Variants in BCAS3 observed in about 807,000 individuals in gnomAD.
The protein encoded by BCAS3 is BCAS4/BCAS3 fusion.
Under a neutral mutation model 116.1 loss-of-function variants are expected in BCAS3, and 53 were observed. The observed-to-expected ratio is 0.46, with a 90% CI of 0.37 to 0.57. BCAS3 has a LOEUF of 0.57. BCAS3 is among the 20% of genes least tolerant of loss of function. BCAS3 has a pLI of 0.00. For synonymous variants in BCAS3, 391 were observed against 408.2 expected, an observed-to-expected ratio of 0.96 and a Z score of 0.51; for missense variants, 917 against 1,165.4, an observed-to-expected ratio of 0.79 and a Z score of 3.10.
chr17:60,968,871 A>C (rs1440100180), intron 14 of BCAS3, among the ~76,000 whole-genome samples: 1 of 152,080 alleles, frequency 6.6e-6, no homozygotes, highest in Non-Finnish European at 1.5e-5. Context: ...TGTTTCTCCC[A>C]TCAGGCAGCC....
chr17:60,708,233 G>A (rs1272696343), intron 4 of BCAS3, among the ~76,000 whole-genome samples: 2 of 151,492 alleles, frequency 1.3e-5, no homozygotes, highest in Non-Finnish European at 2.9e-5. Flanking sequence ...GCTGAGGTGG[G>A]AGGATCACCT....
intron 6 of BCAS3, among the ~76,000 whole-genome samples, chr17:60,807,261 T>C (rs1345921048): frequency 6.6e-6 from 1 of 152,218 alleles, no homozygotes; most frequent in East Asian, 1.9e-4. Context: ...TTCATATATG[T>C]TGCTATTTAA....
chr17:60,936,766 G>A (rs1447274441), intron 13 of BCAS3, among the ~76,000 whole-genome samples: 1 of 152,108 alleles, frequency 6.6e-6, no homozygotes, highest in African/African-American at 2.4e-5. Flanking sequence ...TTAGCCCTTT[G>A]TCAGATGAGT....
chr17:61,076,397 T>C (rs1008269470), intron 20 of BCAS3, among the ~76,000 whole-genome samples: 2 of 152,188 alleles, frequency 1.3e-5, no homozygotes, highest in Non-Finnish European at 1.5e-5. Context: ...CTAGGTAACA[T>C]GTATTTATTT....
intron 6 of BCAS3, among the ~76,000 whole-genome samples, chr17:60,762,191 C>T (rs1007943837): frequency 1.1e-4 from 16 of 152,106 alleles, no homozygotes; most frequent in Non-Finnish European, 5.9e-5. Context: ...TGTGCATAAG[C>T]TCTTTAGTTT....
chr17:60,891,159 T>C (rs183194156), intron 10 of BCAS3, among the ~76,000 whole-genome samples: 1 of 152,344 alleles, frequency 6.6e-6, no homozygotes, highest in Non-Finnish European at 1.5e-5. Flanking sequence ...TGGTATCTTC[T>C]AATGTTTCTA....
At chr17:60,966,662 CTTTT>C (rs754857618) in intron 14 of BCAS3, among the ~76,000 whole-genome samples, 4 of 133,072 alleles carry the variant, frequency 3.0e-5, no homozygotes, top group Non-Finnish European at 3.2e-5. Context: ...TATCACCCAA[CTTTT>C]TTTTTTTTTT....
In BCAS3 at chr17:60,972,812, G is replaced by A. The variant is rs372306811; in HGVS notation, c.1222-17159G>A. ...AAAAAATGTTGAAGTACATGGCTGG[G>A]AATGTTTCTAGAACTTGTATTTTAA... On this transcript the variant is annotated intron_variant, in intron 14 of 23. Coordinates refer to ENST00000407086, the MANE Select transcript of BCAS3 (RefSeq NM_017679.5). Among the ~76,000 whole-genome samples the A allele has an allele frequency of 3.9e-5, 6 of 152,180 alleles. No individual in the cohort carries two copies. In the South Asian group the frequency reaches 6.2e-4, roughly 16 times the overall value.
At chr17:61,101,419 C>A (rs1293870626) in intron 22 of BCAS3, among the ~76,000 whole-genome samples, 1 of 152,142 alleles carries the variant, frequency 6.6e-6, no homozygotes, top group Non-Finnish European at 1.5e-5. Context: ...GTGTTTGAAA[C>A]TCACAATTCA....
intron 7 of BCAS3, among the ~76,000 whole-genome samples, chr17:60,854,565 A>G (rs1245618365): frequency 2.0e-5 from 3 of 152,220 alleles, no homozygotes; most frequent in Non-Finnish European, 4.4e-5. Context: ...AAAAGAAGAC[A>G]TTTATGCAGC....
At chr17:60,801,135 A>G (rs979884343) in intron 6 of BCAS3, among the ~76,000 whole-genome samples, 1 of 152,130 alleles carries the variant, frequency 6.6e-6, no homozygotes, top group African/African-American at 2.4e-5. Flanking sequence ...ATTAAACTTT[A>G]TATCAGTTAT....
In BCAS3 at chr17:61,228,018, T is replaced by G. The variant is rs74346275; in HGVS notation, c.2426-140309T>G. On this transcript the variant is annotated intron_variant, in intron 22 of 23. Coordinates refer to ENST00000407086, the MANE Select transcript of BCAS3 (RefSeq NM_017679.5). This position sits in a 1 kb window ranked among gnomAD's most constrained non-coding sequence, Gnocchi z 5.0. ...CCACCTGGAGACTGTCCTTTCCAAT[T>G]TCCAGCACAGGTTTTGCATCTGGTT... Among the ~76,000 whole-genome samples the G allele has an allele frequency of 9.9e-5, 15 of 152,256 alleles. No individual in the cohort carries two copies. The East Asian group carries it at 2.7e-3, about 27-fold the overall frequency.
At chr17:61,187,307 T>A (rs1296805607) in intron 22 of BCAS3, among the ~76,000 whole-genome samples, 2 of 152,214 alleles carry the variant, frequency 1.3e-5, no homozygotes, top group Admixed American at 1.3e-4. Context: ...CTGACATGTG[T>A]TCTCAGCTAG....
At chr17:60,989,336 G>A (rs1379516585) in intron 14 of BCAS3, among the ~76,000 whole-genome samples, 1 of 152,154 alleles carries the variant, frequency 6.6e-6, no homozygotes, top group Non-Finnish European at 1.5e-5. Flanking sequence ...CCAGTTGACT[G>A]ATATTGAGAT....
At chr17:61,062,824 T>G (rs995251017) in intron 19 of BCAS3, among the ~76,000 whole-genome samples, 3 of 152,180 alleles carry the variant, frequency 2.0e-5, no homozygotes, top group Non-Finnish European at 2.9e-5. Context: ...TGGATGCCCT[T>G]TAATGATTTT....
chr17:61,040,204 G>A (rs558803465), intron 18 of BCAS3, among the ~76,000 whole-genome samples: 1 of 152,180 alleles, frequency 6.6e-6, no homozygotes, highest in Non-Finnish European at 1.5e-5. Context: ...GGAGGCTCCA[G>A]CATTCTTTAC....
intron 21 of BCAS3, among the ~76,000 whole-genome samples, chr17:61,081,945 C>T (rs1601079732): frequency 6.6e-6 from 1 of 152,172 alleles, no homozygotes; most frequent in East Asian, 1.9e-4. Context: ...AGTACACTGT[C>T]CTGTACCCCA....
rs988398490 is a variant in BCAS3 at position 61,087,033 on chromosome 17, C to T, written c.2425+2469C>T. 4.1e-5 allele frequency: 40 copies of T among 984,898 alleles called. No homozygotes were observed. The Admixed American group carries it at 6.2e-4, about 15-fold the overall frequency. 61.0% of individuals were successfully genotyped at this position (984,898 alleles called of 1,614,324 possible). On this transcript the variant is annotated intron_variant, in intron 22 of 23. Transcript: ENST00000407086. The surrounding 1 kb of genome is among the most constrained non-coding windows in gnomAD (Gnocchi z 4.6). ...ATCAAGGTAGCAAGTCTAACGAAAT[C>T]GAGGCTAAATAATTTGAGTTCTTTA...
intron 2 of BCAS3, among the ~76,000 whole-genome samples, chr17:60,683,018 C>T (rs775378410): frequency 3.9e-5 from 6 of 152,130 alleles, no homozygotes; most frequent in Non-Finnish European, 5.9e-5. Context: ...TTCAACTCCA[C>T]CTCAGCTTCC....
Sources: gnomAD v4.1 joint callset for allele counts (sites outside exome capture counted in the v4.1 genomes callset) on GRCh38, gnomAD v4.1.1 for gene constraint, Gnocchi (gnomAD v3.1) non-coding constraint, MANE v1.5 for transcripts, NCBI Gene and HGNC (gene_info 2026-07-23, HGNC 2026-07-21) for gene names.